PTPRZ1: variants seen among roughly 807,000 people sequenced by gnomAD.
The protein encoded by PTPRZ1 is receptor-type tyrosine-protein phosphatase zeta.
PTPRZ1 carries 82 observed loss-of-function variants against 214.1 expected under a neutral mutation model. That is an observed-to-expected ratio of 0.38 (90% CI 0.32 to 0.46). The LOEUF (loss-of-function observed/expected upper bound fraction) is 0.46. Ranked by LOEUF, PTPRZ1 falls within the 20% of genes least tolerant of loss-of-function variation. The pLI, the probability that PTPRZ1 is intolerant of heterozygous loss-of-function variation, is 1.00. For missense variants in PTPRZ1, 2,603 were observed against 2,748.7 expected (o/e 0.95, Z 1.19); for synonymous variants, 945 against 987.9 (o/e 0.96, Z 0.81).
intron 12 of PTPRZ1, among the ~76,000 whole-genome samples, chr7:122,017,567 A>ATTTATTTT (rs1798880799): frequency 6.7e-6 from 1 of 148,730 alleles, no homozygotes; most frequent in African/African-American, 2.5e-5. Flanking sequence ...TTATTTATTT[A>ATTTATTTT]TTTATTTATT....
At chr7:121,986,747 A>AC (rs1434477039) in intron 8 of PTPRZ1, among the ~76,000 whole-genome samples, 1 of 152,178 alleles carries the variant, frequency 6.6e-6, no homozygotes, top group Non-Finnish European at 1.5e-5. Context: ...AACTAGAAAA[A>AC]CAGCAACTCA....
intron 1 of PTPRZ1, among the ~76,000 whole-genome samples, chr7:121,911,509 T>C (rs1384890237): frequency 6.6e-6 from 1 of 152,136 alleles, no homozygotes; most frequent in Non-Finnish European, 1.5e-5. Flanking sequence ...CTAGATTGCG[T>C]ACATTTAAAA....
intron 2 of PTPRZ1, among the ~76,000 whole-genome samples, chr7:121,929,517 A>C (rs1044717396): frequency 9.9e-5 from 15 of 151,850 alleles, no homozygotes; most frequent in Middle Eastern, 3.4e-3. Context: ...AAAAAAAAAA[A>C]AACTTTCAAG....
intron 1 of PTPRZ1, among the ~76,000 whole-genome samples, chr7:121,883,138 A>G (rs976801747): frequency 6.6e-6 from 1 of 152,212 alleles, no homozygotes; most frequent in Admixed American, 6.5e-5. Context: ...TGAAACTCTT[A>G]AATTTGTTAA....
chr7:121,928,571 T>G (rs1213246372), intron 2 of PTPRZ1, among the ~76,000 whole-genome samples: 1 of 152,164 alleles, frequency 6.6e-6, no homozygotes, highest in African/African-American at 2.4e-5. Flanking sequence ...TGTGAAGCAC[T>G]TGTCACAGAG....
intron 1 of PTPRZ1, among the ~76,000 whole-genome samples, chr7:121,888,207 G>C (rs1013394666): frequency 2.0e-5 from 3 of 151,702 alleles, no homozygotes; most frequent in Admixed American, 1.3e-4. Context: ...GGTGGGTTTT[G>C]AGTGACATTC....
chr7:122,011,456 G>A lies in PTPRZ1; in HGVS notation c.2410G>A (p.Asp804Asn), dbSNP rs149269512. ...TGCTACGCCTGTATTTCCCAGTGTC[G>A]ATGTGTCATTTGAATCCATCCTGTC... Reference protein sequence around the residue: ...LHATPVFPSVDVSFESILSSY... With the variant: ...LHATPVFPSVNVSFESILSSY... Residue 804 changes from aspartate (D) to asparagine (N), a missense_variant, in exon 12 of 30, where the codon GAT becomes AAT. By Grantham distance (23) the Asp-to-Asn change is conservative. Coordinates refer to ENST00000393386, the MANE Select transcript of PTPRZ1 (RefSeq NM_002851.3). The A allele has an allele frequency of 1.2e-4, 186 of 1,614,036 alleles. 1 individual carries two copies. In the Admixed American group the frequency reaches 1.5e-3, roughly 13 times the overall value.
chr7:121,873,418 A>C lies in PTPRZ1; in HGVS notation c.-82A>C. 6.9e-7 allele frequency: 1 copy of C among 1,444,694 alleles called. No individual in the cohort carries two copies. The highest frequency in any genetic ancestry group is 9.5e-7 in the Non-Finnish European group (1 of 1,049,388). 89.5% of individuals were successfully genotyped at this position (1,444,694 alleles called of 1,614,324 possible). A position where few individuals can be genotyped will look rare whatever the true frequency, so the allele number is the denominator to read the frequency against. ...GGAGGATTAAAACAAACAAACAAAAAAAACATTTCCTTCGCTCCCCCTCCC... is the reference window on the plus strand; with the variant it reads ...GGAGGATTAAAACAAACAAACAAAACAAACATTTCCTTCGCTCCCCCTCCC... On this transcript the variant is annotated 5_prime_UTR_variant, in exon 1 of 30. Transcript: ENST00000393386.
chr7:122,052,365 G>A (rs1792214024), intron 25 of PTPRZ1, among the ~76,000 whole-genome samples: 1 of 152,100 alleles, frequency 6.6e-6, no homozygotes, highest in African/African-American at 2.4e-5. Flanking sequence ...CTCATTTTAG[G>A]ACCTGGATTT....
chr7:122,004,740 C>T, intron 11 of PTPRZ1, 80 bp downstream of exon 11: 1 of 789,730 alleles, frequency 1.3e-6, no homozygotes, highest in South Asian at 1.7e-5. Context: ...TTAGGTATTG[C>T]CACATGAATA....
chr7:121,890,221 A>G (rs1479217271), intron 1 of PTPRZ1, among the ~76,000 whole-genome samples: 8 of 152,168 alleles, frequency 5.3e-5, no homozygotes, highest in Non-Finnish European at 1.5e-5. Flanking sequence ...GACATGTTCA[A>G]ACTTGATCTC....
At position 122,044,503 on chromosome 7, in the gene PTPRZ1, G is replaced by C; in HGVS notation, c.6019G>C (p.Ala2007Pro). 1 of 1,613,890 alleles carries C rather than the reference G, an allele frequency of 6.2e-7. No homozygotes were observed. The highest frequency in any genetic ancestry group is 8.5e-7 in the Non-Finnish European group (1 of 1,179,822). Residue 2007 changes from alanine to proline, a missense_variant, in exon 23 of 30, where the codon GCC (alanine) becomes CCC (proline). Ala to Pro is a conservative substitution (Grantham distance 27, BLOSUM62 -1). This residue lies in a region of PTPRZ1 where 1,913 missense variants were observed against 1,914.3 expected (regional missense o/e 1.00). Coordinates refer to ENST00000393386, the MANE Select transcript of PTPRZ1 (RefSeq NM_002851.3). ...ETEVLDSHIH[A>P]YVNALLIPGP... is the part of the protein sequence containing the mutation. Reference sequence around the variant, plus strand: ...TGAGGTGCTGGACAGTCATATTCATGCCTATGTTAATGCACTCCTCATTCC... The same window carrying C: ...TGAGGTGCTGGACAGTCATATTCATCCCTATGTTAATGCACTCCTCATTCC...
intron 1 of PTPRZ1, among the ~76,000 whole-genome samples, chr7:121,901,178 G>A (rs1563008536): frequency 1.3e-5 from 2 of 152,120 alleles, no homozygotes; most frequent in Admixed American, 6.6e-5. Context: ...GTAACAGAGA[G>A]CAATGTTATA....
intron 1 of PTPRZ1, among the ~76,000 whole-genome samples, chr7:121,886,603 T>C (rs1490227286): frequency 6.6e-6 from 1 of 152,154 alleles, no homozygotes; most frequent in Non-Finnish European, 1.5e-5. Context: ...AATTATTACT[T>C]ATTTGACATA....
intron 29 of PTPRZ1, 99 bp from the exon 30 acceptor site, chr7:122,060,981 T>C (rs1792557683): frequency 1.7e-6 from 2 of 1,199,892 alleles, no homozygotes. Flanking sequence ...TGCCCTTTCA[T>C]GAACAGTGCT....
At chr7:122,028,844 A>G (rs1397732736) in intron 14 of PTPRZ1, among the ~76,000 whole-genome samples, 1 of 152,078 alleles carries the variant, frequency 6.6e-6, no homozygotes, top group Non-Finnish European at 1.5e-5. Flanking sequence ...AAACGTTCTT[A>G]ATCATACAGA....
At chr7:121,948,307 G>A (rs1351727118) in intron 2 of PTPRZ1, among the ~76,000 whole-genome samples, 2 of 152,244 alleles carry the variant, frequency 1.3e-5, no homozygotes, top group African/African-American at 4.8e-5. Context: ...TGCAGAGTAT[G>A]ATAGCTATTG....
chr7:122,022,449 A>C (rs1242973306), intron 13 of PTPRZ1, among the ~76,000 whole-genome samples: 1 of 152,190 alleles, frequency 6.6e-6, no homozygotes, highest in Non-Finnish European at 1.5e-5. Context: ...GGTAAGAAAG[A>C]TGGGAGAAGG....
At chr7:122,009,546 C>T (rs756898140) in intron 11 of PTPRZ1, among the ~76,000 whole-genome samples, 7 of 150,628 alleles carry the variant, frequency 4.6e-5, no homozygotes, top group East Asian at 1.9e-4. Flanking sequence ...TGTATATATA[C>T]GTATATGTAT....
Sources: allele counts gnomAD v4.1 joint callset (sites outside exome capture counted in the v4.1 genomes callset), GRCh38; gene constraint gnomAD v4.1.1; regional missense constraint gnomAD v4.1.1; transcripts MANE v1.5; gene names NCBI Gene and HGNC (gene_info 2026-07-23, HGNC 2026-07-21).